Variants in PLCB1 observed in about 807,000 individuals in gnomAD.
PLCB1 encodes phospholipase C beta 1.
Under a neutral mutation model 161.8 loss-of-function variants are expected in PLCB1, and 46 were observed. The ratio of observed to expected loss-of-function variants is 0.28; its 90% CI spans 0.22 to 0.36. The LOEUF (loss-of-function observed/expected upper bound fraction) is 0.36. Ranked by LOEUF, PLCB1 falls within the 10% of genes least tolerant of loss-of-function variation. The pLI, the probability that PLCB1 is intolerant of heterozygous loss-of-function variation, is 1.00. For missense variants in PLCB1, 1,016 were observed against 1,472.5 expected, an observed-to-expected ratio of 0.69 and a Z score of 5.07; for synonymous variants, 517 against 503.7, an observed-to-expected ratio of 1.03 and a Z score of -0.35.
chr20:8,875,829 T>C (rs1035938463), intron 31 of PLCB1, among the ~76,000 whole-genome samples: 4 of 152,158 alleles, frequency 2.6e-5, no homozygotes, highest in Non-Finnish European at 5.9e-5. Context: ...ATTTATGTTA[T>C]ACTGGGTTTT....
chr20:8,520,727 T>G (rs1984315401), intron 3 of PLCB1, among the ~76,000 whole-genome samples: 1 of 152,188 alleles, frequency 6.6e-6, no homozygotes, highest in African/African-American at 2.4e-5. Flanking sequence ...TTTTATTTCT[T>G]TTCAACTTCA....
chr20:8,864,292 G>T (rs1987352793), intron 31 of PLCB1, among the ~76,000 whole-genome samples: 1 of 152,180 alleles, frequency 6.6e-6, no homozygotes, highest in Non-Finnish European at 1.5e-5. Flanking sequence ...TGATGCCAAG[G>T]AGAGGTAGTC....
chr20:8,725,791 G>T (rs1979902557), intron 16 of PLCB1, among the ~76,000 whole-genome samples: 1 of 152,088 alleles, frequency 6.6e-6, no homozygotes, highest in Non-Finnish European at 1.5e-5. Flanking sequence ...GTAGCCAAGT[G>T]TGAGAAAGAG....
chr20:8,648,739 A>G (rs936184842), intron 6 of PLCB1, among the ~76,000 whole-genome samples: 6 of 152,164 alleles, frequency 3.9e-5, no homozygotes, highest in African/African-American at 1.4e-4. Flanking sequence ...CAGGATTTTG[A>G]GAGCAGCCTA....
intron 2 of PLCB1, among the ~76,000 whole-genome samples, chr20:8,347,383 A>G (rs1010414557): frequency 1.3e-5 from 2 of 152,234 alleles, no homozygotes; most frequent in Non-Finnish European, 2.9e-5. Context: ...GTGCTAGCTA[A>G]CTAATAAAGT....
chr20:8,148,528 A>G (rs2051477612), intron 1 of PLCB1, among the ~76,000 whole-genome samples: 1 of 152,210 alleles, frequency 6.6e-6, no homozygotes, highest in Non-Finnish European at 1.5e-5. Context: ...ACATAGTACT[A>G]TCATATGATC....
At chr20:8,738,818 G>A (rs921002705) in intron 20 of PLCB1, among the ~76,000 whole-genome samples, 1 of 152,138 alleles carries the variant, frequency 6.6e-6, no homozygotes, top group African/African-American at 2.4e-5. Context: ...TCAACTTTTT[G>A]TCTAAAGTAG....
intron 14 of PLCB1, among the ~76,000 whole-genome samples, chr20:8,721,015 T>G (rs2123474904): frequency 6.6e-6 from 1 of 152,302 alleles, no homozygotes; most frequent in Non-Finnish European, 1.5e-5. Flanking sequence ...AATATCAGCA[T>G]TATAAAGTGG....
chr20:8,136,500 C>T (rs1227302457), intron 1 of PLCB1, among the ~76,000 whole-genome samples: 2 of 151,980 alleles, frequency 1.3e-5, no homozygotes, highest in Non-Finnish European at 2.9e-5. Context: ...GTGGCGGGCG[C>T]CTGTAGTCCC....
At position 8,317,067 on chromosome 20, in the gene PLCB1, G is replaced by T. The variant is rs1235837909; in HGVS notation, c.178-54315G>T. On this transcript the variant is annotated intron_variant, in intron 2 of 31. Transcript: ENST00000338037. Reference sequence around the variant, plus strand: ...AGATGGCAATAAATGCTAAGTGAATGAATGAATGAATGAGTGAATGAATAC... The same window carrying T: ...AGATGGCAATAAATGCTAAGTGAATTAATGAATGAATGAGTGAATGAATAC... 2.6e-5 allele frequency among the ~76,000 whole-genome samples: 4 copies of T among 151,676 alleles called. No individual in the cohort carries two copies. In the East Asian group the frequency reaches 5.8e-4, roughly 22 times the overall value.
chr20:8,810,157 C>G (rs1984741489), intron 31 of PLCB1, among the ~76,000 whole-genome samples: 1 of 152,154 alleles, frequency 6.6e-6, no homozygotes, highest in Non-Finnish European at 1.5e-5. Context: ...TAAAAAGTTG[C>G]TCAGACTTTG....
chr20:8,739,589 C>G (rs1980765292), intron 21 of PLCB1, among the ~76,000 whole-genome samples: 1 of 152,168 alleles, frequency 6.6e-6, no homozygotes, highest in South Asian at 2.1e-4. Context: ...AACTTATATG[C>G]AAATATTTAT....
At chr20:8,733,036 C>T (rs1205880341) in intron 18 of PLCB1, among the ~76,000 whole-genome samples, 5 of 151,798 alleles carry the variant, frequency 3.3e-5, no homozygotes, top group Admixed American at 1.3e-4. Context: ...ACTGCACACC[C>T]ACCAGTTGGC....
intron 31 of PLCB1, among the ~76,000 whole-genome samples, chr20:8,807,959 G>A (rs1984620269): frequency 6.6e-6 from 1 of 152,156 alleles, no homozygotes; most frequent in Non-Finnish European, 1.5e-5. Flanking sequence ...TAAAAGAGCT[G>A]TTTACATGGG....
intron 2 of PLCB1, among the ~76,000 whole-genome samples, chr20:8,228,955 A>G (rs1309267654): frequency 6.6e-6 from 1 of 152,040 alleles, no homozygotes; most frequent in African/African-American, 2.4e-5. Flanking sequence ...GACTGCAGTC[A>G]TCCTACATTG....
At chr20:8,792,694 A>T (rs1983821935) in intron 31 of PLCB1, 1 of 463,110 alleles carries the variant, frequency 2.2e-6, no homozygotes, top group Non-Finnish European at 4.5e-6. Context: ...TTCCATGTCA[A>T]ACTAAAGCAT....
intron 3 of PLCB1, among the ~76,000 whole-genome samples, chr20:8,410,124 G>A (rs2122508080): frequency 6.6e-6 from 1 of 152,140 alleles, no homozygotes. Context: ...GGGTGTTACT[G>A]TAGATTGTCC....
chr20:8,424,771 G>A (rs773566888), intron 3 of PLCB1, among the ~76,000 whole-genome samples: 16 of 152,100 alleles, frequency 1.1e-4, no homozygotes, highest in Admixed American at 3.9e-4. Context: ...GGTTCTTGGC[G>A]TTTTGCACAA....
intron 2 of PLCB1, among the ~76,000 whole-genome samples, chr20:8,280,454 G>T (rs942722467): frequency 3.9e-5 from 6 of 151,986 alleles, no homozygotes; most frequent in Non-Finnish European, 2.9e-5. Flanking sequence ...TTTCTATTTG[G>T]GTTTTTAACT....
Sources: gnomAD v4.1 joint callset for allele counts (sites outside exome capture counted in the v4.1 genomes callset) on GRCh38, gnomAD v4.1.1 for gene constraint, MANE v1.5 for transcripts, NCBI Gene and HGNC (gene_info 2026-07-23, HGNC 2026-07-21) for gene names.